ANKDD1B: variants seen among roughly 807,000 people sequenced by gnomAD.
ANKDD1B encodes ankyrin repeat and death domain-containing protein 1B.
A neutral mutation model predicts 59.7 loss-of-function variants in ANKDD1B; 57 were observed. That is an observed-to-expected ratio of 0.95 (90% confidence interval 0.77 to 1.19). ANKDD1B has a LOEUF of 1.19. ANKDD1B is among the 50% of genes most tolerant of loss of function. The pLI, the probability that ANKDD1B is intolerant of heterozygous loss-of-function variation, is 0.00. For synonymous variants in ANKDD1B, 216 were observed against 239.5 expected (o/e 0.90, Z 0.91); for missense variants, 602 against 641.9 (o/e 0.94, Z 0.67).
At chr5:75,656,682 G>T (rs967339619) in intron 9 of ANKDD1B, among the ~76,000 whole-genome samples, 1 of 152,232 alleles carries the variant, frequency 6.6e-6, no homozygotes, top group South Asian at 2.1e-4. Flanking sequence ...AAGGGAATGG[G>T]GGTGGGCACT....
At chr5:75,630,402 T>C (rs1172811922) in intron 5 of ANKDD1B, among the ~76,000 whole-genome samples, 2 of 152,212 alleles carry the variant, frequency 1.3e-5, no homozygotes, top group Non-Finnish European at 2.9e-5. Flanking sequence ...TAATTTTGCT[T>C]TTACATCTTT....
chr5:75,657,094 T>C (rs1579971680), intron 9 of ANKDD1B, among the ~76,000 whole-genome samples: 1 of 152,234 alleles, frequency 6.6e-6, no homozygotes, highest in Admixed American at 6.5e-5. Context: ...TGTTATTAAA[T>C]ATACTTATGT....
intron 8 of ANKDD1B, among the ~76,000 whole-genome samples, chr5:75,654,933 C>T (rs1401549514): frequency 2.6e-5 from 4 of 152,158 alleles, no homozygotes; most frequent in African/African-American, 9.7e-5. Context: ...GTCCACCTTC[C>T]CCTGGTGCCC....
chr5:75,636,993 T>A (rs776356009), intron 7 of ANKDD1B, among the ~76,000 whole-genome samples: 5 of 151,970 alleles, frequency 3.3e-5, no homozygotes, highest in Non-Finnish European at 5.9e-5. Flanking sequence ...ACACCTATAA[T>A]GCCAGCAGTT....
At chr5:75,653,553 T>C (rs1190686356) in intron 8 of ANKDD1B, among the ~76,000 whole-genome samples, 1 of 152,212 alleles carries the variant, frequency 6.6e-6, no homozygotes, top group African/African-American at 2.4e-5. Flanking sequence ...ATTTTATTAG[T>C]CTGGGAAAAT....
In ANKDD1B at chr5:75,671,200, A is replaced by G. The variant is rs1194609329; in HGVS notation, c.*160A>G. 4 of 389,460 alleles carry G rather than the reference A, an allele frequency of 1.0e-5. No homozygotes were observed. Among genetic ancestry groups the G allele is most frequent in the Non-Finnish European group, 9.0e-6 (2 of 222,422 alleles). 24.1% of individuals were successfully genotyped at this position (389,460 alleles called of 1,614,324 possible). A position where few individuals can be genotyped will look rare whatever the true frequency, so the allele number is the denominator to read the frequency against. ...AAGAGTAATACCATGATACTTTTCAACCACTAAAAAGTCAAATATAGTTTT... is the reference window on the plus strand; with the variant it reads ...AAGAGTAATACCATGATACTTTTCAGCCACTAAAAAGTCAAATATAGTTTT... On this transcript the variant is annotated 3_prime_UTR_variant, in exon 14 of 14. Coordinates refer to ENST00000601380, the MANE Select transcript of ANKDD1B (RefSeq NM_001276713.2).
In ANKDD1B at chr5:75,671,099, C is replaced by A; in HGVS notation, c.*59C>A. 1.2e-6 allele frequency: 1 copy of A among 816,094 alleles called. No homozygotes were observed. Among genetic ancestry groups the A allele is most frequent in the Non-Finnish European group, 1.6e-6 (1 of 608,270 alleles). The allele number at this position is 816,094 out of a possible 1,614,324, so 50.6% of individuals were successfully genotyped here. A position where few individuals can be genotyped will look rare whatever the true frequency, so the allele number is the denominator to read the frequency against. On this transcript the variant is annotated 3_prime_UTR_variant, in exon 14 of 14. Transcript: ENST00000601380. ...ACTCAGCATTCAGTTCTTTTAATGC[C>A]ATAAATTTCTTCTAGCAGTAGCACT...
intron 3 of ANKDD1B, among the ~76,000 whole-genome samples, chr5:75,622,264 T>C (rs1053881449): frequency 5.9e-5 from 9 of 152,236 alleles, no homozygotes; most frequent in African/African-American, 2.2e-4. Context: ...ACTTGAAGCA[T>C]GCACATCACC....
In ANKDD1B at chr5:75,671,221, G is replaced by GTT; in HGVS notation, c.*188_*189dup. 1 of 368,142 alleles carries GTT rather than the reference G, an allele frequency of 2.7e-6. No homozygotes were observed. The allele number at this position is 368,142 out of a possible 1,614,324, so 22.8% of individuals were successfully genotyped here. Reference sequence around the variant, plus strand: ...TTCAACCACTAAAAAGTCAAATATAGTTTTTTTTGCTGAGGGCAAGTTGTA... The same window carrying GTT: ...TTCAACCACTAAAAAGTCAAATATAGTTTTTTTTTTGCTGAGGGCAAGTTGTA... On this transcript the variant is annotated 3_prime_UTR_variant, in exon 14 of 14. Transcript: ENST00000601380.
Position 75,671,105 on chromosome 5 carries a change from T to C in ANKDD1B, c.*65T>C. 1 of 768,950 alleles carries C rather than the reference T, an allele frequency of 1.3e-6. No individual in the cohort carries two copies. The highest frequency in any genetic ancestry group is 3.4e-5 in the East Asian group (1 of 29,534). 47.6% of individuals were successfully genotyped at this position (768,950 alleles called of 1,614,324 possible). A position where few individuals can be genotyped will look rare whatever the true frequency, so the allele number is the denominator to read the frequency against. ...CATTCAGTTCTTTTAATGCCATAAA[T>C]TTCTTCTAGCAGTAGCACTGATTTT... is the stretch of plus-strand genomic sequence containing the variant. On this transcript the variant is annotated 3_prime_UTR_variant, in exon 14 of 14. Transcript: ENST00000601380.
At chr5:75,655,291 G>A (rs1479089760) in intron 8 of ANKDD1B, among the ~76,000 whole-genome samples, 18 of 152,228 alleles carry the variant, frequency 1.2e-4, no homozygotes, top group African/African-American at 7.2e-5. Flanking sequence ...AAAGGAGAAC[G>A]GGAGAGCAGG....
At chr5:75,615,655 C>T (rs955950734) in intron 1 of ANKDD1B, among the ~76,000 whole-genome samples, 24 of 149,288 alleles carry the variant, frequency 1.6e-4, no homozygotes, top group Non-Finnish European at 1.9e-4. Flanking sequence ...TCCCTGCCTT[C>T]ACCTGGTCTT....
chr5:75,620,767 ACT>A (rs1160276072), intron 3 of ANKDD1B, among the ~76,000 whole-genome samples: 3 of 152,108 alleles, frequency 2.0e-5, no homozygotes, highest in Non-Finnish European at 4.4e-5. Flanking sequence ...TGCTCTATGA[ACT>A]CTGATAATAA....
chr5:75,627,566 C>G (rs905027769), intron 5 of ANKDD1B, among the ~76,000 whole-genome samples: 2 of 152,172 alleles, frequency 1.3e-5, no homozygotes, highest in Admixed American at 6.5e-5. Flanking sequence ...CTGATTTTCT[C>G]AAAGTGACAA....
Position 75,635,873 on chromosome 5 carries a change from G to C in ANKDD1B, c.789G>C (p.Glu263Asp). 4 of 1,528,532 alleles carry C rather than the reference G, an allele frequency of 2.6e-6. No individual in the cohort carries two copies. Among genetic ancestry groups the C allele is most frequent in the Non-Finnish European group, 2.6e-6 (3 of 1,140,744 alleles). 94.7% of individuals were successfully genotyped at this position (1,528,532 alleles called of 1,614,324 possible). ...TAGCCCAGTGGCAAGACATAAATGAGATGAATGAGGTATGTGGAAGTGCTC... is the reference window on the plus strand; with the variant it reads ...TAGCCCAGTGGCAAGACATAAATGACATGAATGAGGTATGTGGAAGTGCTC... ...VLLAQWQDIN[E>D]MNELNISSLQ... The change falls in exon 7 of 14, where the codon GAG becomes GAC. Residue 263 changes from glutamate to aspartate, a missense_variant. Around this residue, in one of 3 missense-constraint regions of ANKDD1B, gnomAD observed 280 missense variants for 319.8 expected, o/e 0.88. Transcript: ENST00000601380.
chr5:75,626,791 T>G (rs201431766), intron 5 of ANKDD1B, among the ~76,000 whole-genome samples: 31,795 of 151,830 alleles, frequency 0.21, 3,489 homozygotes, highest in South Asian at 0.39. Flanking sequence ...TGTTTTTTTT[T>G]TTTGTTTGTT....
intron 7 of ANKDD1B, among the ~76,000 whole-genome samples, chr5:75,646,719 A>G (rs969185517): frequency 4.7e-5 from 3 of 64,254 alleles, no homozygotes; most frequent in Non-Finnish European, 7.5e-5. Flanking sequence ...CAAGCTACCA[A>G]TGACTTTCTT....
At chr5:75,618,935 A>ATG (rs1773781033) in intron 2 of ANKDD1B, among the ~76,000 whole-genome samples, 1 of 152,150 alleles carries the variant, frequency 6.6e-6, no homozygotes, top group Admixed American at 6.5e-5. Context: ...TAGTAGTTAC[A>ATG]GGGTTTCACC....
At chr5:75,665,691 G>A (rs1775286986) in intron 11 of ANKDD1B, among the ~76,000 whole-genome samples, 1 of 152,146 alleles carries the variant, frequency 6.6e-6, no homozygotes, top group South Asian at 2.1e-4. Context: ...GCCCTTCTTG[G>A]CCAAGCTTCC....
Sources: allele counts gnomAD v4.1 joint callset (sites outside exome capture counted in the v4.1 genomes callset), GRCh38; gene constraint gnomAD v4.1.1; regional missense constraint gnomAD v4.1.1; transcripts MANE v1.5; gene names NCBI Gene and HGNC (gene_info 2026-07-23, HGNC 2026-07-21).